UTP25: variants seen among roughly 807,000 people sequenced by gnomAD.
UTP25 encodes U3 small nucleolar RNA-associated protein 25 homolog.
Under a neutral mutation model 78.9 loss-of-function variants are expected in UTP25, and 50 were observed. The observed-to-expected ratio is 0.63, with a 90% CI of 0.50 to 0.80. The LOEUF is 0.80. Ranked by LOEUF, UTP25 falls within the 30% of genes least tolerant of loss-of-function variation. UTP25 has a pLI of 0.00. For synonymous variants in UTP25, 329 were observed against 336.5 expected, an observed-to-expected ratio of 0.98 and a Z score of 0.24; for missense variants, 846 against 911.3, an observed-to-expected ratio of 0.93 and a Z score of 0.92.
At chr1:209,832,068 C>T (rs1288858186) in intron 3 of UTP25, among the ~76,000 whole-genome samples, 1 of 151,266 alleles carries the variant, frequency 6.6e-6, no homozygotes, top group Non-Finnish European at 1.5e-5. Context: ...GATAAAAATT[C>T]ATTGACTTAC....
rs1466841066 is a variant in UTP25 at position 209,857,482 on chromosome 1, G to C, written c.*6035G>C. 6.6e-6 allele frequency: 1 copy of C among 152,072 alleles called. No homozygotes were observed. Among genetic ancestry groups the C allele is most frequent in the Non-Finnish European group, 1.5e-5 (1 of 68,028 alleles). The allele number at this position is 152,072 out of a possible 1,614,324, so 9.4% of individuals were successfully genotyped here. ...TATTAATGTCTTATGTTTCCTCCCA[G>C]ATTGTTTTCTGCATGAATAATAACC... On this transcript the variant is annotated 3_prime_UTR_variant, in exon 12 of 12. Transcript: ENST00000491415.
rs1235630934 is a variant in UTP25, at chr1:209,856,690, A to T, written c.*5243A>T. 2 of 152,266 alleles carry T rather than the reference A, an allele frequency of 1.3e-5. No homozygotes were observed. The highest frequency in any genetic ancestry group is 4.8e-5 in the African/African-American group (2 of 41,460). 9.4% of individuals were successfully genotyped at this position (152,266 alleles called of 1,614,324 possible). ...ACAAAAATGGCATCACAGACTCCTG[A>T]ACTCCAAAGACACTGCCTATTCTTT... On this transcript the variant is annotated 3_prime_UTR_variant, in exon 12 of 12. Transcript: ENST00000491415.
At chr1:209,832,182 A>G (rs2078107145) in intron 3 of UTP25, among the ~76,000 whole-genome samples, 1 of 151,918 alleles carries the variant, frequency 6.6e-6, no homozygotes, top group Non-Finnish European at 1.5e-5. Flanking sequence ...TTTACTGTAA[A>G]CATTTAAGAG....
intron 8 of UTP25, among the ~76,000 whole-genome samples, chr1:209,841,780 C>A (rs1408028903): frequency 6.6e-6 from 1 of 152,186 alleles, no homozygotes; most frequent in African/African-American, 2.4e-5. Flanking sequence ...CATTACCCTT[C>A]AATATCTATT....
chr1:209,845,099 C>T (rs2078190354), intron 11 of UTP25, among the ~76,000 whole-genome samples: 1 of 152,200 alleles, frequency 6.6e-6, no homozygotes, highest in Non-Finnish European at 1.5e-5. Context: ...CCCCAGATAA[C>T]GTCCTTGTTC....
intron 7 of UTP25, among the ~76,000 whole-genome samples, chr1:209,840,373 G>T (rs1283210018): frequency 6.6e-6 from 1 of 152,202 alleles, no homozygotes; most frequent in African/African-American, 2.4e-5. Context: ...AGAAGCAAAA[G>T]TGAGAGTTGA....
At chr1:209,829,781 C>T (rs2078092898) in intron 1 of UTP25, among the ~76,000 whole-genome samples, 1 of 152,134 alleles carries the variant, frequency 6.6e-6, no homozygotes, top group Admixed American at 6.5e-5. Context: ...CCACCGCTCC[C>T]AGCTTAGAGG....
intron 11 of UTP25, among the ~76,000 whole-genome samples, chr1:209,847,969 G>A (rs2078208178): frequency 6.6e-6 from 1 of 152,174 alleles, no homozygotes; most frequent in South Asian, 2.1e-4. Flanking sequence ...TTTTTGAAGA[G>A]TCCAATCTGG....
rs397835273 is a variant in UTP25, at chr1:209,854,330, AG to A, written c.*2884del. On this transcript the variant is annotated 3_prime_UTR_variant, in exon 12 of 12. Transcript: ENST00000491415. Reference sequence around the variant, plus strand: ...AGCTTAGCACTTTTCTTTTTGAGAGAGAAAAAGCTTTGAATCGTGGATGCTT... The same window carrying A: ...AGCTTAGCACTTTTCTTTTTGAGAGAAAAAAGCTTTGAATCGTGGATGCTT... 1.3e-5 allele frequency: 2 copies of A among 152,198 alleles called. No homozygotes were observed. The highest frequency in any genetic ancestry group is 2.4e-5 in the African/African-American group (1 of 41,436). The allele number at this position is 152,198 out of a possible 1,614,324, so 9.4% of individuals were successfully genotyped here.
Position 209,835,111 on chromosome 1 carries a change from A to G in UTP25, c.599A>G (p.Glu200Gly), listed in dbSNP as rs1417506154. Residue 200 changes from glutamate (E) to glycine (G), a missense_variant, in exon 5 of 12, where the codon GAA (glutamate) becomes GGA (glycine). Physicochemically the swap from Glu to Gly is moderately conservative, Grantham distance 98 (BLOSUM62 -2). Coordinates refer to ENST00000491415, the MANE Select transcript of UTP25 (RefSeq NM_014388.7). ...CAACATGTGAACAAAGAACTGAAAGAAAAAGCAATTCAGGCTGTTGCCACA... is the reference window on the plus strand; with the variant it reads ...CAACATGTGAACAAAGAACTGAAAGGAAAAGCAATTCAGGCTGTTGCCACA... The part of the protein sequence containing the change: ...FLQHVNKELK[E>G]KAIQAVATNP... The G allele has an allele frequency of 9.3e-6, 15 of 1,613,626 alleles. No homozygotes were observed. The highest frequency in any genetic ancestry group is 1.6e-4 in the Middle Eastern group (1 of 6,076).
chr1:209,842,928 G>T (rs942520004), intron 10 of UTP25: 2 of 524,680 alleles, frequency 3.8e-6, no homozygotes, highest in Admixed American at 7.0e-5. Context: ...TATAAATCAG[G>T]ACTCTTTCAC....
At chr1:209,841,184 C>T (rs950114519) in intron 8 of UTP25, 129 bp downstream of exon 8, 2 of 927,894 alleles carry the variant, frequency 2.2e-6, no homozygotes, top group Non-Finnish European at 3.2e-6. Context: ...AGGACACACA[C>T]TCCACATTTT....
At position 209,853,360 on chromosome 1, in the gene UTP25, T is replaced by C; in HGVS notation, c.*1913T>C. The C allele has an allele frequency of 7.1e-6, 1 of 141,424 alleles. No homozygotes were observed. The highest frequency in any genetic ancestry group is 1.6e-5 in the Non-Finnish European group (1 of 64,108). 8.8% of individuals were successfully genotyped at this position (141,424 alleles called of 1,614,324 possible). ...CGAAGGGACTGTAATTACCTGGATC[T>C]TTTTTTTTTTTTTTGAGATGGAGTC... is the stretch of plus-strand genomic sequence containing the variant. On this transcript the variant is annotated 3_prime_UTR_variant, in exon 12 of 12. Transcript: ENST00000491415.
intron 5 of UTP25, among the ~76,000 whole-genome samples, chr1:209,835,464 C>G (rs541613813): frequency 6.6e-6 from 1 of 152,282 alleles, no homozygotes; most frequent in African/African-American, 2.4e-5. Flanking sequence ...TGCTTTTTTG[C>G]TATTCACTAT....
At position 209,838,893 on chromosome 1, in the gene UTP25, G is replaced by A. The variant is rs749595907; in HGVS notation, c.1063-16G>A. On this transcript the variant is annotated splice_polypyrimidine_tract_variant and intron_variant, in intron 6 of 11. Coordinates refer to ENST00000491415, the MANE Select transcript of UTP25 (RefSeq NM_014388.7). Reference sequence around the variant, plus strand: ...TTCCTCTTACCCCACTAAGGCTGCTGTTGCTGTCTGCACAGGTACTGATAG... The same window carrying A: ...TTCCTCTTACCCCACTAAGGCTGCTATTGCTGTCTGCACAGGTACTGATAG... The A allele has an allele frequency of 3.1e-6, 5 of 1,613,660 alleles. 1 individual carries two copies. In the South Asian group the frequency reaches 4.4e-5, roughly 14 times the overall value.
At position 209,833,369 on chromosome 1, in the gene UTP25, A is replaced by C; in HGVS notation, c.562+11A>C. Reference sequence around the variant, plus strand: ...TGAAAGCCTCTCAAGGTCATAGCACAGTGTGTGTTATTTGAATTCACCAGG... The same window carrying C: ...TGAAAGCCTCTCAAGGTCATAGCACCGTGTGTGTTATTTGAATTCACCAGG... On this transcript the variant is annotated intron_variant, in intron 4 of 11. Transcript: ENST00000491415. 1 of 1,517,164 alleles carries C rather than the reference A, an allele frequency of 6.6e-7. No homozygotes were observed. The highest frequency in any genetic ancestry group is 1.4e-5 in the African/African-American group (1 of 70,934). 94.0% of individuals were successfully genotyped at this position (1,517,164 alleles called of 1,614,324 possible).
At chr1:209,848,904 G>A (rs1047575359) in intron 11 of UTP25, among the ~76,000 whole-genome samples, 8 of 152,128 alleles carry the variant, frequency 5.3e-5, no homozygotes, top group Middle Eastern at 3.2e-3. Context: ...AATCTAGTCA[G>A]GATTTGATTG....
At chr1:209,843,014 C>T (rs1159693035) in intron 10 of UTP25, 2 of 350,394 alleles carry the variant, frequency 5.7e-6, no homozygotes, top group Admixed American at 4.5e-5. Context: ...ATTGTAAGCC[C>T]CTCAGGGAAA....
At chr1:209,850,205 T>G (rs533454944) in intron 11 of UTP25, among the ~76,000 whole-genome samples, 62 of 152,338 alleles carry the variant, frequency 4.1e-4, no homozygotes, top group African/African-American at 1.5e-3. Context: ...TAAGCAGAAG[T>G]AGAACTCAGT....
Sources: allele counts gnomAD v4.1 joint callset (sites outside exome capture counted in the v4.1 genomes callset), GRCh38; gene constraint gnomAD v4.1.1; transcripts MANE v1.5; gene names NCBI Gene and HGNC (gene_info 2026-07-23, HGNC 2026-07-21).